TSHZ2: variants seen among roughly 807,000 people sequenced by gnomAD.
TSHZ2 encodes the protein teashirt homolog 2.
Under a neutral mutation model 74.4 loss-of-function variants are expected in TSHZ2, and 21 were observed. That is an observed-to-expected ratio of 0.28 (90% CI 0.20 to 0.41). TSHZ2 has a LOEUF of 0.41. Ranked by LOEUF, TSHZ2 falls within the 10% of genes least tolerant of loss-of-function variation. The probability of loss-of-function intolerance (pLI) is 1.00; values close to 1 mark genes in which losing one functional copy is unlikely to be tolerated. For missense variants in TSHZ2, 1,244 were observed against 1,293.5 expected, an observed-to-expected ratio of 0.96 and a Z score of 0.59; for synonymous variants, 540 against 515.3, an observed-to-expected ratio of 1.05 and a Z score of -0.65.
chr20:53,271,011 G>A (rs1479343415), intron 2 of TSHZ2, among the ~76,000 whole-genome samples: 1 of 152,104 alleles, frequency 6.6e-6, no homozygotes, highest in Admixed American at 6.5e-5. Context: ...GGTCCCTATT[G>A]GATAGTCTCT....
At chr20:53,188,816 A>G (rs1419384607) in intron 1 of TSHZ2, among the ~76,000 whole-genome samples, 1 of 152,234 alleles carries the variant, frequency 6.6e-6, no homozygotes, top group African/African-American at 2.4e-5. Flanking sequence ...TCTTACGTAT[A>G]TAAGAACCTG....
At chr20:53,037,923 C>T (rs912805462) in intron 1 of TSHZ2, among the ~76,000 whole-genome samples, 2 of 152,010 alleles carry the variant, frequency 1.3e-5, no homozygotes, top group South Asian at 2.1e-4. Flanking sequence ...GGACAGAATG[C>T]CTGGGTCTGC....
intron 2 of TSHZ2, among the ~76,000 whole-genome samples, chr20:53,414,014 G>A (rs1047112386): frequency 1.3e-5 from 2 of 152,118 alleles, no homozygotes; most frequent in Non-Finnish European, 2.9e-5. Flanking sequence ...AGTGGCACAT[G>A]CCTGTAGTCC....
Position 53,164,542 on chromosome 20 carries a change from A to G in TSHZ2, c.41-88957A>G, listed in dbSNP as rs150166493. On this transcript the variant is annotated intron_variant, in intron 1 of 2. Transcript: ENST00000371497. ...TTCTGTGATGATGGAAATACCCTCT[A>G]TCTGTATGTCTACACTAGTAGCACT... Among the ~76,000 whole-genome samples the G allele has an allele frequency of 2.0e-5, 3 of 152,296 alleles. No individual in the cohort carries two copies. The East Asian group carries it at 5.8e-4, about 29-fold the overall frequency.
chr20:53,305,623 C>T (rs1978504522), intron 2 of TSHZ2, among the ~76,000 whole-genome samples: 1 of 152,164 alleles, frequency 6.6e-6, no homozygotes, highest in Admixed American at 6.5e-5. Context: ...TTTGATCTCA[C>T]CTTGAACATG....
chr20:53,314,818 C>T (rs548459566), intron 2 of TSHZ2, among the ~76,000 whole-genome samples: 3 of 152,082 alleles, frequency 2.0e-5, no homozygotes, highest in African/African-American at 7.2e-5. Context: ...AACAGGGTCT[C>T]GCCATGTTGG....
intron 1 of TSHZ2, chr20:53,185,696 T>C (rs1988582489): frequency 2.0e-6 from 3 of 1,536,136 alleles, no homozygotes; most frequent in Non-Finnish European, 2.6e-6. Context: ...TTTACCCACT[T>C]GCTGCTAGAA....
At chr20:53,144,213 C>T (rs894358365) in intron 1 of TSHZ2, among the ~76,000 whole-genome samples, 7 of 152,118 alleles carry the variant, frequency 4.6e-5, no homozygotes, top group African/African-American at 1.2e-4. Context: ...AGCCTCCAGC[C>T]GCATGACTCC....
chr20:53,305,776 G>A (rs965052570), intron 2 of TSHZ2, among the ~76,000 whole-genome samples: 5 of 152,064 alleles, frequency 3.3e-5, no homozygotes, highest in Non-Finnish European at 7.4e-5. Flanking sequence ...TCAGAATTTC[G>A]AGACCATCCT....
intron 1 of TSHZ2, among the ~76,000 whole-genome samples, chr20:53,172,468 G>A (rs1055849324): frequency 2.0e-5 from 3 of 152,124 alleles, no homozygotes; most frequent in African/African-American, 7.2e-5. Context: ...ATTCTAGTCA[G>A]TTAACAGTTT....
rs1600612245 is a variant in TSHZ2 at position 53,403,750 on chromosome 20, CA to C, written c.*9-83391del. Among the ~76,000 whole-genome samples, 3 of 152,304 alleles carry C rather than the reference CA, an allele frequency of 2.0e-5. No individual in the cohort carries two copies. In the East Asian group the frequency reaches 5.8e-4, roughly 29 times the overall value. ...TGAAGCATATCAATAGTGGATTTGT[CA>C]AACTAGCCCCGTATTCAGGTGCGAG... On this transcript the variant is annotated intron_variant, in intron 2 of 2. Coordinates refer to ENST00000371497, the MANE Select transcript of TSHZ2 (RefSeq NM_173485.6).
chr20:52,976,883 A>G (rs1981359590), intron 1 of TSHZ2, among the ~76,000 whole-genome samples: 1 of 152,214 alleles, frequency 6.6e-6, no homozygotes, highest in Non-Finnish European at 1.5e-5. Flanking sequence ...GATCACCCAG[A>G]TCTGAAGAGT....
chr20:53,013,140 C>T (rs1297830078), intron 1 of TSHZ2, among the ~76,000 whole-genome samples: 1 of 152,142 alleles, frequency 6.6e-6, no homozygotes, highest in Non-Finnish European at 1.5e-5. Flanking sequence ...TTATAGATCA[C>T]TTCAGATTTT....
chr20:53,353,603 A>G (rs751101319), intron 2 of TSHZ2, among the ~76,000 whole-genome samples: 9 of 152,164 alleles, frequency 5.9e-5, no homozygotes, highest in Non-Finnish European at 1.0e-4. Flanking sequence ...GTTGTTTCCA[A>G]CTCTGATTCT....
intron 1 of TSHZ2, among the ~76,000 whole-genome samples, chr20:53,197,019 C>T (rs1263972950): frequency 6.6e-6 from 1 of 152,224 alleles, no homozygotes; most frequent in Non-Finnish European, 1.5e-5. Context: ...TCCTTCCTAC[C>T]TTCTCTCTCC....
At chr20:53,007,704 ATGTATGTATACTCGTGTGTG>A (rs930717727) in intron 1 of TSHZ2, among the ~76,000 whole-genome samples, 1 of 148,030 alleles carries the variant, frequency 6.8e-6, no homozygotes, top group Non-Finnish European at 1.5e-5. Context: ...GTGTGTGTGT[ATGTATGTATACTCGTGTGTG>A]TGTATGTATA....
At chr20:53,281,912 C>A (rs944378531) in intron 2 of TSHZ2, among the ~76,000 whole-genome samples, 1 of 152,222 alleles carries the variant, frequency 6.6e-6, no homozygotes, top group African/African-American at 2.4e-5. Context: ...CACTTGAAGG[C>A]AGCAAGGGCA....
At chr20:53,266,374 TC>T in intron 2 of TSHZ2, among the ~76,000 whole-genome samples, 1 of 152,328 alleles carries the variant, frequency 6.6e-6, no homozygotes, top group South Asian at 2.1e-4. Context: ...AATTGTTTTC[TC>T]ATTTTCACTA....
chr20:53,085,885 A>C (rs985642045), intron 1 of TSHZ2, among the ~76,000 whole-genome samples: 1 of 152,026 alleles, frequency 6.6e-6, no homozygotes, highest in Non-Finnish European at 1.5e-5. Flanking sequence ...TAAGCATTAA[A>C]CCACAAGCCA....
Sources: allele counts gnomAD v4.1 joint callset (sites outside exome capture counted in the v4.1 genomes callset), GRCh38; gene constraint gnomAD v4.1.1; transcripts MANE v1.5; gene names NCBI Gene and HGNC (gene_info 2026-07-23, HGNC 2026-07-21).